Variants in NRG4 observed in about 807,000 individuals in gnomAD.
The protein encoded by NRG4 is pro-neuregulin-4, membrane-bound isoform.
In NRG4, 10 loss-of-function variants were observed where a neutral mutation model predicts 15.0. The observed-to-expected ratio is 0.67, with a 90% CI of 0.41 to 1.13. NRG4 has a LOEUF of 1.13. NRG4 is among the 50% of genes most tolerant of loss of function. The pLI, the probability that NRG4 is intolerant of heterozygous loss-of-function variation, is 0.00. For synonymous variants in NRG4, 41 were observed against 50.1 expected (o/e 0.82, Z 0.77); for missense variants, 139 against 140.2 (o/e 0.99, Z 0.04).
rs182225757 is a variant in NRG4, at chr15:75,943,554, G to T, written c.*84C>A. 1.2e-5 allele frequency: 10 copies of T among 834,836 alleles called. No homozygotes were observed. In the Admixed American group the frequency reaches 2.1e-4, roughly 18 times the overall value. 51.7% of individuals were successfully genotyped at this position (834,836 alleles called of 1,614,324 possible). ...GTTTTATTTAAGAAATAAAGGATTA[G>T]ATTTTTAATTCTTTTACCTAGTGGT... On this transcript the variant is annotated 3_prime_UTR_variant, in exon 6 of 6. Coordinates refer to ENST00000394907, the MANE Select transcript of NRG4 (RefSeq NM_138573.4).
At chr15:75,994,691 A>AAGT (rs2034144737) in intron 3 of NRG4, among the ~76,000 whole-genome samples, 1 of 152,238 alleles carries the variant, frequency 6.6e-6, no homozygotes, top group Non-Finnish European at 1.5e-5. Context: ...AGAATTTAAA[A>AAGT]ATCTATGTGC....
At chr15:75,951,584 A>G (rs775048406) in intron 5 of NRG4, among the ~76,000 whole-genome samples, 2 of 152,066 alleles carry the variant, frequency 1.3e-5, no homozygotes, top group African/African-American at 2.4e-5. Context: ...TACAATCTCT[A>G]TCTTAACTGG....
intron 5 of NRG4, among the ~76,000 whole-genome samples, 200 bp downstream of exon 5, chr15:75,955,732 A>C (rs953790014): frequency 1.3e-5 from 2 of 151,880 alleles, no homozygotes; most frequent in African/African-American, 4.8e-5. Context: ...CTTTGGGAAA[A>C]AATGTGATTT....
intron 4 of NRG4, among the ~76,000 whole-genome samples, chr15:75,958,597 T>A (rs1323088842): frequency 6.6e-6 from 1 of 152,218 alleles, no homozygotes; most frequent in Non-Finnish European, 1.5e-5. Flanking sequence ...TCTTAGCTTT[T>A]TACCCCCAGA....
intron 4 of NRG4, among the ~76,000 whole-genome samples, chr15:76,040,232 G>A (rs992411532): frequency 4.6e-5 from 7 of 152,176 alleles, no homozygotes; most frequent in Non-Finnish European, 1.0e-4. Context: ...CTTTTCAGTG[G>A]AAAACTTACA....
At chr15:76,049,200 C>T (rs897038604) in intron 4 of NRG4, among the ~76,000 whole-genome samples, 4 of 150,670 alleles carry the variant, frequency 2.7e-5, no homozygotes. Context: ...CTGCAACACA[C>T]ATACATACAC....
chr15:75,964,704 T>C (rs1391969342), intron 3 of NRG4, among the ~76,000 whole-genome samples: 2 of 152,032 alleles, frequency 1.3e-5, no homozygotes, highest in Non-Finnish European at 2.9e-5. Context: ...GGCAGGAGGA[T>C]GGCTTGAGCC....
intron 5 of NRG4, among the ~76,000 whole-genome samples, chr15:76,026,847 G>A (rs1426836827): frequency 6.6e-6 from 1 of 152,200 alleles, no homozygotes; most frequent in Non-Finnish European, 1.5e-5. Context: ...AAGAGGCCAG[G>A]TGTGGTGGCT....
At chr15:75,957,006 T>C (rs2032273995) in intron 4 of NRG4, among the ~76,000 whole-genome samples, 1 of 152,190 alleles carries the variant, frequency 6.6e-6, no homozygotes, top group Non-Finnish European at 1.5e-5. Flanking sequence ...TGATTTTCTA[T>C]TATGTGTTAC....
At chr15:75,988,641 C>T (rs527376356) in intron 3 of NRG4, among the ~76,000 whole-genome samples, 1 of 152,064 alleles carries the variant, frequency 6.6e-6, no homozygotes, top group South Asian at 2.1e-4. Context: ...ACATGTCACA[C>T]TGGATATTAA....
intron 3 of NRG4, among the ~76,000 whole-genome samples, chr15:75,994,612 G>T (rs1036941359): frequency 1.6e-4 from 25 of 152,190 alleles, no homozygotes; most frequent in African/African-American, 5.5e-4. Flanking sequence ...AGCTACTCCA[G>T]CTGTACACAA....
At chr15:76,027,370 T>C (rs2035342537) in intron 5 of NRG4, among the ~76,000 whole-genome samples, 1 of 151,782 alleles carries the variant, frequency 6.6e-6, no homozygotes. Flanking sequence ...CAAGAGAATA[T>C]AACAGTCGTA....
intron 5 of NRG4, among the ~76,000 whole-genome samples, chr15:75,951,437 G>A (rs755967996): frequency 2.0e-5 from 3 of 151,882 alleles, no homozygotes; most frequent in Non-Finnish European, 4.4e-5. Flanking sequence ...CAAAGTGCTG[G>A]GATTACAAGG....
At chr15:75,953,870 A>G (rs1462015079) in intron 5 of NRG4, among the ~76,000 whole-genome samples, 1 of 152,084 alleles carries the variant, frequency 6.6e-6, no homozygotes, top group East Asian at 1.9e-4. Flanking sequence ...TCTTTTTTGT[A>G]GAGATGAGGT....
chr15:76,011,113 T>G, intron 2 of NRG4, 108 bp downstream of exon 2: 3 of 917,442 alleles, frequency 3.3e-6, no homozygotes, highest in Non-Finnish European at 4.5e-6. Context: ...TCTCTTCCAA[T>G]GATGTTGGAA....
chr15:76,010,683 T>C (rs1429366643), intron 2 of NRG4, among the ~76,000 whole-genome samples: 1 of 152,026 alleles, frequency 6.6e-6, no homozygotes, highest in Non-Finnish European at 1.5e-5. Context: ...TCAAACAACT[T>C]TCAACAAGAT....
At chr15:76,051,167 G>A (rs1414771033) in intron 4 of NRG4, among the ~76,000 whole-genome samples, 2 of 148,102 alleles carry the variant, frequency 1.4e-5, no homozygotes, top group East Asian at 2.0e-4. Flanking sequence ...CACTACGCCC[G>A]GCTAATTTTT....
chr15:76,020,375 C>G (rs1441328871), intron 5 of NRG4, among the ~76,000 whole-genome samples: 1 of 152,154 alleles, frequency 6.6e-6, no homozygotes, highest in African/African-American at 2.4e-5. Context: ...GCCTCTTGCA[C>G]TGTTAAAGGA....
At chr15:75,992,482 GATTT>G (rs1175319197) in intron 3 of NRG4, among the ~76,000 whole-genome samples, 4 of 151,914 alleles carry the variant, frequency 2.6e-5, no homozygotes, top group East Asian at 1.9e-4. Flanking sequence ...GCCTTATTGA[GATTT>G]ATTATTTATA....
Sources: gnomAD v4.1 joint callset for allele counts (sites outside exome capture counted in the v4.1 genomes callset) on GRCh38, gnomAD v4.1.1 for gene constraint, MANE v1.5 for transcripts, NCBI Gene and HGNC (gene_info 2026-07-23, HGNC 2026-07-21) for gene names.